The following UBR2 variants were observed in gnomAD, a reference collection of about 807,000 sequenced individuals.
The protein encoded by UBR2 is ubiquitin protein ligase E3 component n-recognin 2.
UBR2 carries 92 observed loss-of-function variants against 247.9 expected under a neutral mutation model. That is an observed-to-expected ratio of 0.37 (90% CI 0.31 to 0.44). UBR2 has a LOEUF of 0.44. Ranked by LOEUF, UBR2 falls within the 20% of genes least tolerant of loss-of-function variation. The pLI is 1.00. For synonymous variants in UBR2, 672 were observed against 693.5 expected, an observed-to-expected ratio of 0.97 and a Z score of 0.49; for missense variants, 1,613 against 2,112.6, an observed-to-expected ratio of 0.76 and a Z score of 4.64.
intron 36 of UBR2, among the ~76,000 whole-genome samples, 166 bp from the exon 37 acceptor site, chr6:42,673,625 A>C (rs898794205): frequency 6.6e-6 from 1 of 152,220 alleles, no homozygotes; most frequent in Non-Finnish European, 1.5e-5. Context: ...GACATTTCCC[A>C]TTCCATTTAT....
At chr6:42,597,831 G>A (rs1015743332) in intron 4 of UBR2, among the ~76,000 whole-genome samples, 1 of 151,834 alleles carries the variant, frequency 6.6e-6, no homozygotes, top group Non-Finnish European at 1.5e-5. Flanking sequence ...CAAGAGAATC[G>A]CTTGAACCCG....
chr6:42,602,370 T>G (rs1008350640), intron 4 of UBR2, among the ~76,000 whole-genome samples: 1 of 151,788 alleles, frequency 6.6e-6, no homozygotes, highest in Non-Finnish European at 1.5e-5. Context: ...GCCCGGCTAA[T>G]TTTTTGTATT....
chr6:42,583,374 A>G (rs190317201), intron 2 of UBR2, among the ~76,000 whole-genome samples: 1 of 152,054 alleles, frequency 6.6e-6, no homozygotes, highest in East Asian at 1.9e-4. Context: ...CAGCCTCCCA[A>G]GTAGCTGGGA....
intron 13 of UBR2, 54 bp downstream of exon 13, chr6:42,632,958 C>CTTTTTTTTTTTTTTTTTTTTTTTTTTTT (rs34284200): frequency 6.6e-6 from 4 of 610,588 alleles, no homozygotes; most frequent in African/African-American, 2.6e-5. Flanking sequence ...TCTCTTTTCT[C>CTTTTTTTTTTTTTTTTTTTTTTTTTTTT]TTTTTTTTTT....
intron 15 of UBR2, among the ~76,000 whole-genome samples, chr6:42,638,053 G>C (rs1035224501): frequency 2.0e-5 from 3 of 152,078 alleles, no homozygotes; most frequent in Non-Finnish European, 4.4e-5. Flanking sequence ...TTTTTTTCTG[G>C]AGGAGATTGT....
intron 26 of UBR2, 99 bp from the exon 27 acceptor site, chr6:42,657,925 A>G: frequency 1.3e-6 from 1 of 777,756 alleles, no homozygotes; most frequent in Admixed American, 2.5e-5. Flanking sequence ...ATTATGGGCA[A>G]TAGGTGTTAT....
chr6:42,618,191 T>G (rs1170566945), intron 11 of UBR2, among the ~76,000 whole-genome samples: 2 of 152,166 alleles, frequency 1.3e-5, no homozygotes, highest in African/African-American at 4.8e-5. Context: ...TTCCGTTGGT[T>G]TGAGAGAAAA....
intron 2 of UBR2, among the ~76,000 whole-genome samples, chr6:42,582,796 C>T (rs549927509): frequency 2.2e-4 from 33 of 152,170 alleles, no homozygotes; most frequent in African/African-American, 7.2e-4. Flanking sequence ...GCATATACTA[C>T]ATAGACTGTT....
At chr6:42,639,263 T>C (rs1243808118) in intron 15 of UBR2, among the ~76,000 whole-genome samples, 1 of 152,168 alleles carries the variant, frequency 6.6e-6, no homozygotes, top group Non-Finnish European at 1.5e-5. Flanking sequence ...TTAAAGGGTG[T>C]CCTCTGTTTA....
At chr6:42,568,995 A>C (rs951203962) in intron 1 of UBR2, among the ~76,000 whole-genome samples, 2 of 152,196 alleles carry the variant, frequency 1.3e-5, no homozygotes, top group African/African-American at 4.8e-5. Flanking sequence ...AACCTGTGTC[A>C]GTAATTCTTT....
intron 46 of UBR2, among the ~76,000 whole-genome samples, chr6:42,690,793 G>A (rs550145429): frequency 1.3e-5 from 2 of 152,076 alleles, no homozygotes; most frequent in Non-Finnish European, 2.9e-5. Flanking sequence ...ACCTCACTCT[G>A]GGTAAGTCTG....
chr6:42,607,448 G>A (rs539150452), intron 7 of UBR2, among the ~76,000 whole-genome samples: 6 of 152,118 alleles, frequency 3.9e-5, no homozygotes, highest in African/African-American at 1.4e-4. Context: ...GATTACAGGT[G>A]TGAGCCACCA....
At chr6:42,682,573 C>T (rs1050012609) in intron 42 of UBR2, among the ~76,000 whole-genome samples, 3 of 152,068 alleles carry the variant, frequency 2.0e-5, no homozygotes, top group Non-Finnish European at 4.4e-5. Flanking sequence ...GCACATGCCA[C>T]CACACCCAGC....
chr6:42,642,973 C>T (rs1307178818), intron 18 of UBR2, among the ~76,000 whole-genome samples: 1 of 152,002 alleles, frequency 6.6e-6, no homozygotes, highest in Non-Finnish European at 1.5e-5. Flanking sequence ...CCTAAGTTAC[C>T]CACCCCTTCT....
At chr6:42,630,953 C>T (rs535423540) in intron 11 of UBR2, among the ~76,000 whole-genome samples, 1 of 152,036 alleles carries the variant, frequency 6.6e-6, no homozygotes, top group South Asian at 2.1e-4. Flanking sequence ...AATACAGGTA[C>T]ATGCCACCAC....
chr6:42,657,483 A>ATT (rs1320790229), intron 26 of UBR2, among the ~76,000 whole-genome samples: 1 of 152,212 alleles, frequency 6.6e-6, no homozygotes, highest in Non-Finnish European at 1.5e-5. Flanking sequence ...AAAAAGGGAC[A>ATT]TTTTTCCAGA....
At chr6:42,680,607 C>T (rs898976771) in intron 42 of UBR2, among the ~76,000 whole-genome samples, 2 of 152,124 alleles carry the variant, frequency 1.3e-5, no homozygotes, top group Non-Finnish European at 2.9e-5. Context: ...CTGAAAGAAC[C>T]CTTAAGGCTA....
intron 14 of UBR2, among the ~76,000 whole-genome samples, chr6:42,636,068 A>C (rs768315814): frequency 6.6e-6 from 1 of 152,038 alleles, no homozygotes; most frequent in Non-Finnish European, 1.5e-5. Context: ...GACAGGGACT[A>C]GGGTAGTCCT....
intron 1 of UBR2, among the ~76,000 whole-genome samples, chr6:42,565,753 T>C (rs1790742575): frequency 6.6e-6 from 1 of 151,956 alleles, no homozygotes; most frequent in Non-Finnish European, 1.5e-5. Flanking sequence ...AGAGTTGGGG[T>C]TTCTCCATGT....
Sources: gnomAD v4.1 joint callset for allele counts (sites outside exome capture counted in the v4.1 genomes callset) on GRCh38, gnomAD v4.1.1 for gene constraint, MANE v1.5 for transcripts, NCBI Gene and HGNC (gene_info 2026-07-23, HGNC 2026-07-21) for gene names.